The following PCDHA5 variants were observed in gnomAD, a reference collection of about 807,000 sequenced individuals.
The protein encoded by PCDHA5 is protocadherin alpha 5.
In PCDHA5, 43 loss-of-function variants were observed where a neutral mutation model predicts 61.6. The observed-to-expected ratio is 0.70, with a 90% CI of 0.55 to 0.90. PCDHA5 has a LOEUF of 0.90. PCDHA5 is among the 40% of genes least tolerant of loss of function. The probability of loss-of-function intolerance (pLI) is 0.00; values close to 1 mark genes in which losing one functional copy is unlikely to be tolerated. For missense variants in PCDHA5, 1,298 were observed against 1,222.7 expected (o/e 1.06, Z -0.92); for synonymous variants, 627 against 543.9 (o/e 1.15, Z -2.13).
intron 1 of PCDHA5, chr5:140,849,989 G>A: frequency 2.5e-6 from 4 of 1,597,330 alleles, no homozygotes; most frequent in Non-Finnish European, 3.4e-6. Flanking sequence ...TGGAGCGGCG[G>A]TTGGGCGAGC....
intron 1 of PCDHA5, chr5:140,850,866 G>T: frequency 6.3e-7 from 1 of 1,592,796 alleles, no homozygotes; most frequent in Non-Finnish European, 8.6e-7. Flanking sequence ...AGAACCCTCT[G>T]CTTCCTCAGA....
At chr5:140,934,684 A>G (rs1026507859) in intron 1 of PCDHA5, among the ~76,000 whole-genome samples, 1 of 152,178 alleles carries the variant, frequency 6.6e-6, no homozygotes, top group African/African-American at 2.4e-5. Context: ...TATTCAAAAC[A>G]ATGAATTGAT....
At chr5:140,838,209 G>C (rs1580889763) in intron 1 of PCDHA5, among the ~76,000 whole-genome samples, 1 of 149,446 alleles carries the variant, frequency 6.7e-6, no homozygotes, top group Admixed American at 6.7e-5. Flanking sequence ...CGCCTCTCTG[G>C]TACAAGCAGT....
intron 1 of PCDHA5, chr5:140,853,845 T>C (rs2150303295): frequency 1.0e-6 from 1 of 986,388 alleles, no homozygotes. Context: ...TTTAGATCCA[T>C]AGCCCTATTT....
chr5:140,896,389 G>C (rs2065520134), intron 1 of PCDHA5, among the ~76,000 whole-genome samples: 1 of 152,124 alleles, frequency 6.6e-6, no homozygotes, highest in East Asian at 1.9e-4. Flanking sequence ...AACCTCACCA[G>C]CATCTGTTAT....
intron 1 of PCDHA5, among the ~76,000 whole-genome samples, chr5:140,914,601 T>G (rs190275610): frequency 1.8e-4 from 27 of 152,294 alleles, no homozygotes; most frequent in Non-Finnish European, 3.7e-4. Context: ...AGGAACTTCC[T>G]CCTGCCATTT....
intron 3 of PCDHA5, among the ~76,000 whole-genome samples, chr5:140,985,614 C>G (rs2097160648): frequency 6.6e-6 from 1 of 152,100 alleles, no homozygotes; most frequent in East Asian, 1.9e-4. Flanking sequence ...TTCCGTGAAC[C>G]AGCTGTGTAT....
intron 1 of PCDHA5, among the ~76,000 whole-genome samples, chr5:140,886,842 AAAAAAG>A (rs1562824849): frequency 6.6e-6 from 1 of 151,524 alleles, no homozygotes. Flanking sequence ...AAAAAAAAAA[AAAAAAG>A]AAAGGTCTTC....
chr5:140,829,909 G>A, intron 1 of PCDHA5: 1 of 1,613,992 alleles, frequency 6.2e-7, no homozygotes, highest in Non-Finnish European at 8.5e-7. Context: ...ACAACGCGTG[G>A]CTTTCGTATG....
intron 1 of PCDHA5, among the ~76,000 whole-genome samples, chr5:140,916,601 G>A (rs2077638535): frequency 6.6e-6 from 1 of 152,188 alleles, no homozygotes. Flanking sequence ...GGCCTGGAAT[G>A]CGGGCCTCAT....
At chr5:140,874,492 C>G (rs1289000541) in intron 1 of PCDHA5, among the ~76,000 whole-genome samples, 2 of 152,196 alleles carry the variant, frequency 1.3e-5, no homozygotes, top group Non-Finnish European at 2.9e-5. Context: ...AGGTTGATAT[C>G]AAGTTCACAT....
chr5:140,968,918 A>G, intron 1 of PCDHA5: 1 of 1,614,164 alleles, frequency 6.2e-7, no homozygotes, highest in Non-Finnish European at 8.5e-7. Context: ...AGTGTCTTTT[A>G]TATTTCTTTT....
intron 1 of PCDHA5, chr5:140,882,902 C>T (rs1554176043): frequency 6.2e-7 from 1 of 1,614,196 alleles, no homozygotes; most frequent in Admixed American, 1.7e-5. Flanking sequence ...TAGTTTATTA[C>T]TGACAGCCAG....
At position 140,857,030 on chromosome 5, in the gene PCDHA5, C is replaced by T. The variant is rs370499942; in HGVS notation, c.2352+32903C>T. The T allele has an allele frequency of 4.7e-5, 75 of 1,596,300 alleles. 6 individuals carry two copies. Among genetic ancestry groups the T allele is most frequent in the Non-Finnish European group, 6.0e-5 (70 of 1,166,132 alleles). ...AGATGTTACAGATAAGGGAAACCCA[C>T]CTATGGTTGGTCACTGCACGGTCCT... On this transcript the variant is annotated intron_variant, in intron 1 of 3. Transcript: ENST00000529859.
intron 1 of PCDHA5, chr5:140,858,817 G>T: frequency 2.9e-6 from 1 of 345,470 alleles, no homozygotes; most frequent in African/African-American, 2.2e-5. Flanking sequence ...TGATTTGATT[G>T]TATTTGCATT....
chr5:140,909,010 G>C (rs2074261521), intron 1 of PCDHA5, among the ~76,000 whole-genome samples: 1 of 152,120 alleles, frequency 6.6e-6, no homozygotes, highest in South Asian at 2.1e-4. Flanking sequence ...GAGGTAGAAG[G>C]TTCCTGAATT....
At chr5:140,988,625 T>A (rs1406223989) in intron 3 of PCDHA5, among the ~76,000 whole-genome samples, 1 of 152,176 alleles carries the variant, frequency 6.6e-6, no homozygotes, top group Non-Finnish European at 1.5e-5. Context: ...AATGGAGATG[T>A]CCTGGTTTTC....
intron 1 of PCDHA5, among the ~76,000 whole-genome samples, chr5:140,938,899 A>G (rs1175857132): frequency 1.3e-5 from 2 of 152,000 alleles, no homozygotes; most frequent in African/African-American, 2.4e-5. Context: ...ACAGATGCGC[A>G]CACACACACA....
rs782333249 is a variant in PCDHA5 at position 140,978,931 on chromosome 5, CTCTT to C, written c.2353-16_2353-13del. On this transcript the variant is annotated splice_polypyrimidine_tract_variant and intron_variant, in intron 1 of 3. Coordinates refer to ENST00000529859, the MANE Select transcript of PCDHA5 (RefSeq NM_018908.3). ...TGTCTTGTCATTTTAACAGAAAACTCTCTTTGTGATTTTGCAGCCACGACAGCCC... is the reference window on the plus strand; with the variant it reads ...TGTCTTGTCATTTTAACAGAAAACTCTGTGATTTTGCAGCCACGACAGCCC... 4.3e-6 allele frequency: 7 copies of C among 1,614,126 alleles called. No individual in the cohort carries two copies. The Admixed American group carries it at 6.7e-5, about 15-fold the overall frequency.
Sources: allele counts gnomAD v4.1 joint callset (sites outside exome capture counted in the v4.1 genomes callset), GRCh38; gene constraint gnomAD v4.1.1; transcripts MANE v1.5; gene names NCBI Gene and HGNC (gene_info 2026-07-23, HGNC 2026-07-21).